SMG1: variants seen among roughly 807,000 people sequenced by gnomAD.
SMG1 encodes the protein serine/threonine-protein kinase SMG1.
Under a neutral mutation model 419.9 loss-of-function variants are expected in SMG1, and 22 were observed. The observed-to-expected ratio is 0.05, with a 90% CI of 0.04 to 0.07. The LOEUF (loss-of-function observed/expected upper bound fraction) is 0.07. SMG1 is among the 10% of genes least tolerant of loss of function. The probability of loss-of-function intolerance (pLI) is 1.00; values close to 1 mark genes in which losing one functional copy is unlikely to be tolerated. For missense variants in SMG1, 3,185 were observed against 4,342.0 expected (o/e 0.73, Z 7.49); for synonymous variants, 1,538 against 1,553.5 (o/e 0.99, Z 0.23).
intron 55 of SMG1, among the ~76,000 whole-genome samples, chr16:18,821,074 C>T (rs1484489303): frequency 6.6e-6 from 1 of 152,128 alleles, no homozygotes; most frequent in Non-Finnish European, 1.5e-5. Context: ...TTGTTAGCTA[C>T]TACTAATAAA....
intron 25 of SMG1, among the ~76,000 whole-genome samples, chr16:18,862,387 C>A (rs1159507326): frequency 6.6e-6 from 1 of 152,176 alleles, no homozygotes; most frequent in African/African-American, 2.4e-5. Flanking sequence ...TGGTTGCTTA[C>A]AAAGGCTCTA....
chr16:18,847,194 G>T (rs2034316905), intron 38 of SMG1, among the ~76,000 whole-genome samples: 1 of 152,018 alleles, frequency 6.6e-6, no homozygotes, highest in South Asian at 2.1e-4. Context: ...TAATAGAGAT[G>T]GCAAGTAGAA....
At chr16:18,921,398 TTTTA>T (rs757752983) in intron 1 of SMG1, among the ~76,000 whole-genome samples, 17 of 152,224 alleles carry the variant, frequency 1.1e-4, no homozygotes, top group Middle Eastern at 3.4e-3. Flanking sequence ...GTTCCTTTAG[TTTTA>T]TTTTTCATTT....
intron 3 of SMG1, among the ~76,000 whole-genome samples, chr16:18,894,213 A>G (rs1324744361): frequency 6.6e-6 from 1 of 152,126 alleles, no homozygotes; most frequent in African/African-American, 2.4e-5. Flanking sequence ...AATAATCTAT[A>G]CTACAAACCC....
chr16:18,847,133 T>C (rs550610106), intron 38 of SMG1, among the ~76,000 whole-genome samples: 39 of 152,200 alleles, frequency 2.6e-4, no homozygotes, highest in Middle Eastern at 6.8e-3. Flanking sequence ...CACAAAAAGA[T>C]GGATAGTTTA....
At chr16:18,890,740 C>G (rs1278145531) in intron 5 of SMG1, 123 bp downstream of exon 5, 7 of 635,296 alleles carry the variant, frequency 1.1e-5, no homozygotes, top group Admixed American at 2.8e-5. Flanking sequence ...ATGACAAGAC[C>G]CACTGAAATG....
Position 18,849,235 on chromosome 16 carries a change from T to C in SMG1, c.5605A>G (p.Ser1869Gly). Residue 1869 changes from serine (S) to glycine (G), a missense_variant, in exon 36 of 63, where the codon AGT becomes GGT. Around this residue, in one of 27 missense-constraint regions of SMG1, gnomAD observed 130 missense variants for 162.0 expected, o/e 0.80. Coordinates refer to ENST00000446231, the MANE Select transcript of SMG1 (RefSeq NM_015092.5). ...TCCATACCTGAAGCCTGGGATTCAC[T>C]ACTAAGCGATATGGTACCCACTATT... Reference protein sequence around the residue: ...PAIVGTISLSSESQASGNKFS... With the variant: ...PAIVGTISLSGESQASGNKFS... 6.2e-7 allele frequency: 1 copy of C among 1,611,550 alleles called. No individual in the cohort carries two copies.
chr16:18,864,235 G>A, intron 23 of SMG1, 91 bp from the exon 24 acceptor site: 2 of 1,124,860 alleles, frequency 1.8e-6, no homozygotes, highest in Non-Finnish European at 2.3e-6. Flanking sequence ...TGCTCTTCTT[G>A]CCCAGGCTGG....
At chr16:18,908,368 A>T (rs901910759) in intron 1 of SMG1, among the ~76,000 whole-genome samples, 6 of 150,442 alleles carry the variant, frequency 4.0e-5, no homozygotes, top group African/African-American at 1.5e-4. Context: ...CAGTCTCCAA[A>T]AAAAAAAAAA....
chr16:18,852,414 T>C lies in SMG1; in HGVS notation c.4817A>G (p.His1606Arg), dbSNP rs2034653263. 2 of 1,609,070 alleles carry C rather than the reference T, an allele frequency of 1.2e-6. No individual in the cohort carries two copies. The highest frequency in any genetic ancestry group is 2.2e-5 in the East Asian group (1 of 44,786). The change falls in exon 32 of 63, where the codon CAC becomes CGC. Residue 1606 changes from histidine (H) to arginine (R), a missense_variant. His to Arg is a conservative substitution (Grantham distance 29). Around this residue, in one of 27 missense-constraint regions of SMG1, gnomAD observed 493 missense variants for 552.9 expected, o/e 0.89. Transcript: ENST00000446231. ...EPDFILGQLY[H>R]LSSVQAPEVA... ...TTCAGGTGCCTGTACTGAAGACAGGTGATACAACTGTCCCAAAATGAAGTC... is the reference window on the plus strand; with the variant it reads ...TTCAGGTGCCTGTACTGAAGACAGGCGATACAACTGTCCCAAAATGAAGTC...
At position 18,863,854 on chromosome 16, in the gene SMG1, G is replaced by GA. The variant is rs1156634326; in HGVS notation, c.3494-4dup. The GA allele has an allele frequency of 6.3e-7, 1 of 1,583,742 alleles. No individual in the cohort carries two copies. Among genetic ancestry groups the GA allele is most frequent in the African/African-American group, 1.3e-5 (1 of 74,206 alleles). On this transcript the variant is annotated splice_polypyrimidine_tract_variant and splice_region_variant and intron_variant, in intron 24 of 62. Transcript: ENST00000446231. ...CAGCACAGTTTTTCTGGATTCACCT[G>GA]AAAGTATTTTATAAAATAAGAAGAG...
Position 18,816,194 on chromosome 16 carries a change from G to A in SMG1, c.10302+108C>T, listed in dbSNP as rs1596460627. The A allele has an allele frequency of 1.2e-5, 10 of 848,166 alleles. No homozygotes were observed. In the South Asian group the frequency reaches 1.3e-4, roughly 11 times the overall value. The allele number at this position is 848,166 out of a possible 1,614,324, so 52.5% of individuals were successfully genotyped here. A position where few individuals can be genotyped will look rare whatever the true frequency, so the allele number is the denominator to read the frequency against. On this transcript the variant is annotated intron_variant, in intron 58 of 62. Transcript: ENST00000446231. ...TTACAAACAAATTGGAAGATGTGAT[G>A]AGATAAATTGTTATTTACAAAATGT...
At chr16:18,902,215 G>A (rs1322280323) in intron 1 of SMG1, among the ~76,000 whole-genome samples, 1 of 152,116 alleles carries the variant, frequency 6.6e-6, no homozygotes, top group South Asian at 2.1e-4. Context: ...CACCAGGAAG[G>A]TATCATTTTT....
intron 8 of SMG1, 64 bp from the exon 9 acceptor site, chr16:18,884,231 A>AC (rs2036525063): frequency 1.4e-6 from 1 of 690,204 alleles, no homozygotes; most frequent in Non-Finnish European, 2.4e-6. Flanking sequence ...AATCCAAATT[A>AC]AAAAAAAATA....
At position 18,926,052 on chromosome 16, in the gene SMG1, G is replaced by A. The variant is rs1446510599; in HGVS notation, c.-11C>T. Reference sequence around the variant, plus strand: ...GGCTCTGCGGCTCATTACCTTCCCCGACACGACATGGCCAAGCGCCGCCGC... The same window carrying A: ...GGCTCTGCGGCTCATTACCTTCCCCAACACGACATGGCCAAGCGCCGCCGC... On this transcript the variant is annotated 5_prime_UTR_variant, in exon 1 of 63. Transcript: ENST00000446231. 1.3e-6 allele frequency: 2 copies of A among 1,563,748 alleles called. No homozygotes were observed. Among genetic ancestry groups the A allele is most frequent in the African/African-American group, 1.4e-5 (1 of 71,086 alleles).
At chr16:18,870,942 C>G in intron 16 of SMG1, 54 bp from the exon 17 acceptor site, 1 of 825,756 alleles carries the variant, frequency 1.2e-6, no homozygotes, top group Non-Finnish European at 2.0e-6. Context: ...AATTATATCC[C>G]AGTTTGTCAT....
chr16:18,818,532 T>G (rs948731202), intron 56 of SMG1, among the ~76,000 whole-genome samples: 1 of 152,182 alleles, frequency 6.6e-6, no homozygotes, highest in Non-Finnish European at 1.5e-5. Flanking sequence ...CATGCCCAGC[T>G]ATGATACATT....
In SMG1 at chr16:18,853,505, C is replaced by T. The variant is rs1009924253; in HGVS notation, c.4768+78G>A. On this transcript the variant is annotated intron_variant, in intron 31 of 62. Coordinates refer to ENST00000446231, the MANE Select transcript of SMG1 (RefSeq NM_015092.5). ...ACTTTTTATGGAAAATTATAGCCAG[C>T]ATAACATTATAAACTTTAAAACAGA... The T allele has an allele frequency of 2.5e-6, 3 of 1,214,822 alleles. No individual in the cohort carries two copies. The Admixed American group carries it at 9.2e-5, about 37-fold the overall frequency. The allele number at this position is 1,214,822 out of a possible 1,614,324, so 75.3% of individuals were successfully genotyped here.
chr16:18,832,801 A>C, intron 51 of SMG1, 139 bp downstream of exon 51: 1 of 735,276 alleles, frequency 1.4e-6, no homozygotes, highest in Non-Finnish European at 2.3e-6. Flanking sequence ...AGTTTTAAAA[A>C]GATACGTGTA....
Sources: allele counts gnomAD v4.1 joint callset (sites outside exome capture counted in the v4.1 genomes callset), GRCh38; gene constraint gnomAD v4.1.1; regional missense constraint gnomAD v4.1.1; transcripts MANE v1.5; gene names NCBI Gene and HGNC (gene_info 2026-07-23, HGNC 2026-07-21).